Variants in DYRK2 observed in about 807,000 individuals in gnomAD.
The protein encoded by DYRK2 is dual specificity tyrosine phosphorylation regulated kinase 2, also known as dual specificity tyrosine-phosphorylation-regulated kinase 2.
A neutral mutation model predicts 41.6 loss-of-function variants in DYRK2; 12 were observed. The ratio of observed to expected loss-of-function variants is 0.29; its 90% CI spans 0.18 to 0.47. The LOEUF is 0.47. DYRK2 is among the 20% of genes least tolerant of loss of function. DYRK2 has a pLI of 1.00. For missense variants in DYRK2, 678 were observed against 798.4 expected, an observed-to-expected ratio of 0.85 and a Z score of 1.82; for synonymous variants, 322 against 315.7, an observed-to-expected ratio of 1.02 and a Z score of -0.21.
In DYRK2 at chr12:67,659,297, T is replaced by A. The variant is rs1189268730; in HGVS notation, c.*584T>A. ...AATACAAAATAAGATCCCCAAGGTTTAAACTGCCCAGTTAGCATTCTGACA... is the reference window on the plus strand; with the variant it reads ...AATACAAAATAAGATCCCCAAGGTTAAAACTGCCCAGTTAGCATTCTGACA... On this transcript the variant is annotated 3_prime_UTR_variant, in exon 3 of 3. Coordinates refer to ENST00000344096, the MANE Select transcript of DYRK2 (RefSeq NM_006482.3). The A allele has an allele frequency of 6.0e-6, 1 of 167,090 alleles. No homozygotes were observed. The highest frequency in any genetic ancestry group is 2.4e-5 in the African/African-American group (1 of 41,446). The allele number at this position is 167,090 out of a possible 1,614,324, so 10.4% of individuals were successfully genotyped here. A position where few individuals can be genotyped will look rare whatever the true frequency, so the allele number is the denominator to read the frequency against.
intron 2 of DYRK2, among the ~76,000 whole-genome samples, chr12:67,653,219 G>A (rs755079694): frequency 4.6e-5 from 7 of 152,164 alleles, no homozygotes; most frequent in Non-Finnish European, 1.0e-4. Context: ...AGGCTGAGCT[G>A]GAGGGAGAGG....
chr12:67,655,389 G>A (rs1299927073), intron 2 of DYRK2, among the ~76,000 whole-genome samples: 1 of 152,170 alleles, frequency 6.6e-6, no homozygotes, highest in Non-Finnish European at 1.5e-5. Flanking sequence ...AGGGTGCAGA[G>A]AGCGAGGCTG....
chr12:67,657,802 A>T lies in DYRK2; in HGVS notation c.895A>T (p.Met299Leu), dbSNP rs761733010. 1 of 1,614,248 alleles carries T rather than the reference A, an allele frequency of 6.2e-7. No individual in the cohort carries two copies. The highest frequency in any genetic ancestry group is 8.5e-7 in the Non-Finnish European group (1 of 1,180,044). Residue 299 changes from methionine to leucine, a missense_variant, in exon 3 of 3, where the codon ATG (methionine) becomes TTG (leucine). Met to Leu is a conservative substitution (Grantham distance 15, BLOSUM62 2). Around this residue, in one of 2 missense-constraint regions of DYRK2, gnomAD observed 393 missense variants for 519.1 expected, o/e 0.76. Transcript: ENST00000344096. This position sits in a 1 kb window ranked among gnomAD's most constrained non-coding sequence, Gnocchi z 4.8. ...TTTCACCTTCCGCAACCACATCTGC[A>T]TGACGTTTGAGCTGCTGAGCATGAA... The part of the protein sequence containing the change: ...ENFTFRNHIC[M>L]TFELLSMNLY...
rs774891052 is a variant in DYRK2 at position 67,661,365 on chromosome 12, A to G, written c.*2652A>G. 6.0e-6 allele frequency: 1 copy of G among 167,074 alleles called. No individual in the cohort carries two copies. The highest frequency in any genetic ancestry group is 1.5e-5 in the Non-Finnish European group (1 of 68,122). 10.3% of individuals were successfully genotyped at this position (167,074 alleles called of 1,614,324 possible). ...CTGTTTTCAGATCTAGGAATAGCAC[A>G]GTGTTGTCTTGTCTTTGGCAGTCTC... is the stretch of plus-strand genomic sequence containing the variant. On this transcript the variant is annotated 3_prime_UTR_variant, in exon 3 of 3. Transcript: ENST00000344096.
At chr12:67,649,297 C>T (rs1278410881) in intron 1 of DYRK2, 115 bp downstream of exon 1, 2 of 855,088 alleles carry the variant, frequency 2.3e-6, no homozygotes, top group Non-Finnish European at 3.0e-6. Context: ...CGGCGCGGCG[C>T]GGGGGAGCCC....
At position 67,659,751 on chromosome 12, in the gene DYRK2, TTC is replaced by T. The variant is rs1387734393; in HGVS notation, c.*1043_*1044del. 6.0e-6 allele frequency: 1 copy of T among 167,056 alleles called. No individual in the cohort carries two copies. The highest frequency in any genetic ancestry group is 1.5e-5 in the Non-Finnish European group (1 of 68,112). 10.3% of individuals were successfully genotyped at this position (167,056 alleles called of 1,614,324 possible). On this transcript the variant is annotated 3_prime_UTR_variant, in exon 3 of 3. Transcript: ENST00000344096. ...ACACTTTTCAGGTGCCACTGTAAGG[TTC>T]TCTCAGCCTGGGAAACTATCAACTC...
In DYRK2 at chr12:67,657,550, C is replaced by A; in HGVS notation, c.643C>A (p.His215Asn). 1 of 1,613,994 alleles carries A rather than the reference C, an allele frequency of 6.2e-7. No individual in the cohort carries two copies. Among genetic ancestry groups the A allele is most frequent in the Non-Finnish European group, 8.5e-7 (1 of 1,179,966 alleles). ...DDQGSYVQVP[H>N]DHVAYRYEVL... ...CCAGGGATCATATGTGCAGGTGCCC[C>A]ACGATCACGTGGCTTACAGGTATGA... Residue 215 changes from histidine (H) to asparagine (N), a missense_variant, in exon 3 of 3, where the codon CAC (histidine) becomes AAC (asparagine). By Grantham distance (68) the His-to-Asn change is moderately conservative. Transcript: ENST00000344096. This position sits in a 1 kb window ranked among gnomAD's most constrained non-coding sequence, Gnocchi z 4.8.
chr12:67,656,382 A>G (rs576448432), intron 2 of DYRK2, among the ~76,000 whole-genome samples: 1 of 152,356 alleles, frequency 6.6e-6, no homozygotes, highest in South Asian at 2.1e-4. Flanking sequence ...GAGGAAGGCC[A>G]AACAGTGTGG....
At position 67,658,828 on chromosome 12, in the gene DYRK2, A is replaced by T; in HGVS notation, c.*115A>T. 8.6e-7 allele frequency: 1 copy of T among 1,164,022 alleles called. No homozygotes were observed. The allele number at this position is 1,164,022 out of a possible 1,614,324, so 72.1% of individuals were successfully genotyped here. A position where few individuals can be genotyped will look rare whatever the true frequency, so the allele number is the denominator to read the frequency against. On this transcript the variant is annotated 3_prime_UTR_variant, in exon 3 of 3. Coordinates refer to ENST00000344096, the MANE Select transcript of DYRK2 (RefSeq NM_006482.3). The surrounding 1 kb of genome is among the most constrained non-coding windows in gnomAD (Gnocchi z 4.3). Reference sequence around the variant, plus strand: ...TTGCTCAATAACTCTACTCATTTGTATCTTTTCAGCACTTAATTTTAATGT... The same window carrying T: ...TTGCTCAATAACTCTACTCATTTGTTTCTTTTCAGCACTTAATTTTAATGT...
Position 67,649,852 on chromosome 12 carries a change from A to G in DYRK2, c.105A>G (p.Ala35=), listed in dbSNP as rs768385320. Residue 35 remains alanine (A), a synonymous_variant, in exon 2 of 3, where the codon GCA becomes GCG. Coordinates refer to ENST00000344096, the MANE Select transcript of DYRK2 (RefSeq NM_006482.3). ...RQLQASPGLG[A]GATRSGVGTG... ...TTCAGGCTTCCCCGGGGCTCGGTGC[A>G]GGGGCCACCCGGAGCGGAGTGGGGA... 9 of 1,365,676 alleles carry G rather than the reference A, an allele frequency of 6.6e-6. No individual in the cohort carries two copies. Among genetic ancestry groups the G allele is most frequent in the South Asian group, 6.6e-5 (3 of 45,692 alleles). 84.6% of individuals were successfully genotyped at this position (1,365,676 alleles called of 1,614,324 possible).
chr12:67,663,539 T>C lies in DYRK2; in HGVS notation c.*4826T>C, dbSNP rs532012009. The C allele has an allele frequency of 6.6e-6, 1 of 152,272 alleles. No individual in the cohort carries two copies. Among genetic ancestry groups the C allele is most frequent in the South Asian group, 2.1e-4 (1 of 4,820 alleles). 9.4% of individuals were successfully genotyped at this position (152,272 alleles called of 1,614,324 possible). ...CGTCATAGCCTGGGCCATAGATTTT[T>C]GTTACTGCTAATCTTGCTTCTTAAA... On this transcript the variant is annotated 3_prime_UTR_variant, in exon 3 of 3. Transcript: ENST00000344096.
intron 1 of DYRK2, 117 bp downstream of exon 1, chr12:67,649,299 G>A: frequency 1.2e-6 from 1 of 859,938 alleles, no homozygotes; most frequent in South Asian, 5.5e-5. Flanking sequence ...GCGCGGCGCG[G>A]GGGAGCCCCC....
intron 2 of DYRK2, among the ~76,000 whole-genome samples, chr12:67,654,075 A>C (rs1310479627): frequency 1.3e-5 from 2 of 152,248 alleles, no homozygotes; most frequent in East Asian, 3.8e-4. Flanking sequence ...AGACAAGGGC[A>C]CTGAGGTTAA....
rs1449617270 is a variant in DYRK2, at chr12:67,659,758, A to T, written c.*1045A>T. The T allele has an allele frequency of 6.0e-6, 1 of 167,086 alleles. No individual in the cohort carries two copies. Among genetic ancestry groups the T allele is most frequent in the Non-Finnish European group, 1.5e-5 (1 of 68,120 alleles). 10.4% of individuals were successfully genotyped at this position (167,086 alleles called of 1,614,324 possible). A position where few individuals can be genotyped will look rare whatever the true frequency, so the allele number is the denominator to read the frequency against. On this transcript the variant is annotated 3_prime_UTR_variant, in exon 3 of 3. Coordinates refer to ENST00000344096, the MANE Select transcript of DYRK2 (RefSeq NM_006482.3). ...TCAGGTGCCACTGTAAGGTTCTCTC[A>T]GCCTGGGAAACTATCAACTCTTTCT... is the stretch of plus-strand genomic sequence containing the variant.
rs1421172384 is a variant in DYRK2 at position 67,649,189 on chromosome 12, A to C, written c.49+7A>C. ...CCCGCCGCCTACCCGACCGGTAAGGAGGCCGTGCCGCCGCGCCGCATCCCC... is the reference window on the plus strand; with the variant it reads ...CCCGCCGCCTACCCGACCGGTAAGGCGGCCGTGCCGCCGCGCCGCATCCCC... On this transcript the variant is annotated splice_region_variant and intron_variant, in intron 1 of 2. Transcript: ENST00000344096. 5.3e-6 allele frequency: 8 copies of C among 1,498,452 alleles called. No homozygotes were observed. In the Admixed American group the frequency reaches 1.6e-4, roughly 30 times the overall value. The allele number at this position is 1,498,452 out of a possible 1,614,324, so 92.8% of individuals were successfully genotyped here.
At chr12:67,649,731 A>AG (rs1013352856) in intron 1 of DYRK2, 66 bp from the exon 2 acceptor site, 54 of 1,291,978 alleles carry the variant, frequency 4.2e-5, no homozygotes, top group Middle Eastern at 2.8e-4. Context: ...GCGGGGTTGG[A>AG]GGGGGGGTCT....
intron 2 of DYRK2, among the ~76,000 whole-genome samples, chr12:67,656,243 G>A (rs1232456924): frequency 3.3e-5 from 5 of 152,176 alleles, no homozygotes; most frequent in Admixed American, 1.3e-4. Flanking sequence ...AATTTAGACA[G>A]GAATGTTCAG....
intron 2 of DYRK2, among the ~76,000 whole-genome samples, chr12:67,650,300 C>A (rs966427514): frequency 3.9e-5 from 6 of 152,200 alleles, no homozygotes; most frequent in Non-Finnish European, 8.8e-5. Context: ...CTGTCCTTCC[C>A]CCACCTCCCC....
rs565154475 is a variant in DYRK2, at chr12:67,652,056, G to A, written c.198+2111G>A. On this transcript the variant is annotated intron_variant, in intron 2 of 2. Transcript: ENST00000344096. The stretch of plus-strand genomic sequence containing the variant: ...AGAACTTCTAGAATGAATGGGGGGC[G>A]GGAGGGCATTAAGGAGATAAAAATG... Among the ~76,000 whole-genome samples, 27 of 152,204 alleles carry A rather than the reference G, an allele frequency of 1.8e-4. No homozygotes were observed. The South Asian group carries it at 4.4e-3, about 25-fold the overall frequency.
Sources: gnomAD v4.1 joint callset for allele counts (sites outside exome capture counted in the v4.1 genomes callset) on GRCh38, gnomAD v4.1.1 for gene constraint, gnomAD v4.1.1 regional missense constraint, Gnocchi (gnomAD v3.1) non-coding constraint, MANE v1.5 for transcripts, NCBI Gene and HGNC (gene_info 2026-07-23, HGNC 2026-07-21) for gene names.